Variants in PBX3 observed in about 807,000 individuals in gnomAD.
The protein encoded by PBX3 is PBX homeobox 3, also known as pre-B-cell leukemia transcription factor 3.
Under a neutral mutation model 48.5 loss-of-function variants are expected in PBX3, and 14 were observed. That is an observed-to-expected ratio of 0.29 (90% CI 0.19 to 0.45). PBX3 has a LOEUF of 0.45. Ranked by LOEUF, PBX3 falls within the 20% of genes least tolerant of loss-of-function variation. The pLI is 1.00. For missense variants in PBX3, 386 were observed against 546.7 expected, an observed-to-expected ratio of 0.71 and a Z score of 2.93; for synonymous variants, 210 against 200.3, an observed-to-expected ratio of 1.05 and a Z score of -0.41.
chr9:125,815,893 C>T (rs1838445668), intron 2 of PBX3, among the ~76,000 whole-genome samples: 1 of 152,160 alleles, frequency 6.6e-6, no homozygotes, highest in East Asian at 1.9e-4. Context: ...CACTGTGATG[C>T]ACTTGTCATT....
intron 2 of PBX3, among the ~76,000 whole-genome samples, chr9:125,779,976 G>C (rs1406651190): frequency 7.7e-6 from 1 of 129,550 alleles, no homozygotes; most frequent in Non-Finnish European, 1.6e-5. Context: ...GCGGCTGGCC[G>C]GGCAGAGGGG....
At chr9:125,815,536 C>T (rs1008421305) in intron 2 of PBX3, among the ~76,000 whole-genome samples, 1 of 152,150 alleles carries the variant, frequency 6.6e-6, no homozygotes, top group Non-Finnish European at 1.5e-5. Context: ...AGCTTTGATT[C>T]CATCAATATC....
rs766906523 is a variant in PBX3 at position 125,925,435 on chromosome 9, T to C, written c.517-4220T>C. On this transcript the variant is annotated intron_variant, in intron 3 of 8. Coordinates refer to ENST00000373489, the MANE Select transcript of PBX3 (RefSeq NM_006195.6). ...ATGAAATACCTCATTAACAGTTTTT[T>C]TGTCTTTCTTTGTTTCTTTCTTTCT... 2.6e-4 allele frequency among the ~76,000 whole-genome samples: 40 copies of C among 152,006 alleles called. 1 individual carries two copies. The highest frequency in any genetic ancestry group is 4.6e-4 in the Non-Finnish European group (31 of 67,990).
At chr9:125,863,612 T>C (rs1839914754) in intron 2 of PBX3, among the ~76,000 whole-genome samples, 1 of 152,160 alleles carries the variant, frequency 6.6e-6, no homozygotes, top group African/African-American at 2.4e-5. Flanking sequence ...TACCCTAGTG[T>C]AATTGACAGA....
intron 2 of PBX3, among the ~76,000 whole-genome samples, chr9:125,763,082 A>C (rs192973020): frequency 2.6e-5 from 4 of 152,344 alleles, no homozygotes; most frequent in African/African-American, 7.2e-5. Flanking sequence ...GTGTATATGC[A>C]GTCTCTCAGC....
intron 2 of PBX3, among the ~76,000 whole-genome samples, chr9:125,787,987 A>C (rs1837502221): frequency 6.6e-6 from 1 of 152,200 alleles, no homozygotes; most frequent in Non-Finnish European, 1.5e-5. Context: ...TTGTTGGTTG[A>C]ATATCTTATA....
At chr9:125,868,749 T>C (rs923367226) in intron 2 of PBX3, among the ~76,000 whole-genome samples, 2 of 152,216 alleles carry the variant, frequency 1.3e-5, no homozygotes, top group Non-Finnish European at 2.9e-5. Context: ...ATTCAGTTGA[T>C]TTGGTAATGG....
chr9:125,748,815 T>TA, intron 2 of PBX3, 192 bp downstream of exon 2: 1 of 485,790 alleles, frequency 2.1e-6, no homozygotes, highest in Non-Finnish European at 3.8e-6. Flanking sequence ...GCTCCTGGTG[T>TA]AAAATGAAGT....
intron 2 of PBX3, among the ~76,000 whole-genome samples, chr9:125,855,518 T>G (rs1170915292): frequency 6.6e-6 from 1 of 152,152 alleles, no homozygotes; most frequent in Non-Finnish European, 1.5e-5. Flanking sequence ...GTAAAGATTT[T>G]TTTCTTTTTA....
intron 2 of PBX3, among the ~76,000 whole-genome samples, chr9:125,780,999 G>GGCGGCGGGGCAGAGGCGCTCCCCAC (rs1837288052): frequency 4.6e-5 from 4 of 86,756 alleles, no homozygotes; most frequent in African/African-American, 5.1e-5. Context: ...TCCTAGATGG[G>GGCGGCGGGGCAGAGGCGCTCCCCAC]ATGGCGGCCG....
At chr9:125,846,239 G>A (rs10986977) in intron 2 of PBX3, among the ~76,000 whole-genome samples, 3,023 of 152,060 alleles carry the variant, frequency 0.02, 169 homozygotes, top group East Asian at 0.17. Flanking sequence ...GTAATGTGTA[G>A]GATTGTGGGA....
At chr9:125,840,036 G>A (rs1417026879) in intron 2 of PBX3, among the ~76,000 whole-genome samples, 3 of 152,050 alleles carry the variant, frequency 2.0e-5, no homozygotes, top group Non-Finnish European at 2.9e-5. Flanking sequence ...ATGCCTCTTT[G>A]TAAATATGGG....
Position 125,876,997 on chromosome 9 carries a change from C to T in PBX3, c.275-38689C>T, listed in dbSNP as rs1165820668. ...CCATATTGGCCAGGCTGGTCTCGAA[C>T]TCCTGACCTTGTGATCTGCCTGCCT... On this transcript the variant is annotated intron_variant, in intron 2 of 8. Transcript: ENST00000373489. 3.4e-4 allele frequency among the ~76,000 whole-genome samples: 51 copies of T among 152,136 alleles called. 1 individual carries two copies. The highest frequency in any genetic ancestry group is 8.8e-5 in the Non-Finnish European group (6 of 67,978).
chr9:125,782,482 A>G (rs2030288292), intron 2 of PBX3, among the ~76,000 whole-genome samples: 2 of 152,278 alleles, frequency 1.3e-5, no homozygotes, highest in South Asian at 4.1e-4. Context: ...TTTCTCTTTT[A>G]TATTATTGTT....
At chr9:125,826,270 C>T (rs1476415966) in intron 2 of PBX3, among the ~76,000 whole-genome samples, 1 of 152,126 alleles carries the variant, frequency 6.6e-6, no homozygotes, top group Non-Finnish European at 1.5e-5. Context: ...TGCTTCCTAA[C>T]TTTAAATTCA....
chr9:125,747,817 C>A lies in PBX3; in HGVS notation c.200+164C>A, dbSNP rs572395689. ...CGGCCTCGGGGGGACTTGCCCGCGC[C>A]CCCCGAAGCGGGCGGGAGTCGGCAA... On this transcript the variant is annotated intron_variant, in intron 1 of 8. Transcript: ENST00000373489. Among the ~76,000 whole-genome samples, 69 of 151,736 alleles carry A rather than the reference C, an allele frequency of 4.5e-4. 1 individual carries two copies. In the South Asian group the frequency reaches 1.0e-2, roughly 22 times the overall value.
intron 2 of PBX3, among the ~76,000 whole-genome samples, 199 bp from the exon 3 acceptor site, chr9:125,915,487 G>A (rs1240993668): frequency 6.6e-6 from 1 of 151,986 alleles, no homozygotes; most frequent in African/African-American, 2.4e-5. Flanking sequence ...AAATTCTAGG[G>A]TGCATGTAAA....
At position 125,899,298 on chromosome 9, in the gene PBX3, A is replaced by AAT. The variant is rs1378395223; in HGVS notation, c.275-16384_275-16383dup. 4.5e-4 allele frequency among the ~76,000 whole-genome samples: 27 copies of AAT among 60,076 alleles called. 1 individual carries two copies. The highest frequency in any genetic ancestry group is 2.4e-3 in the South Asian group (4 of 1,660). 39.4% of individuals were successfully genotyped at this position (60,076 alleles called of 152,430 possible). A position where few individuals can be genotyped will look rare whatever the true frequency, so the allele number is the denominator to read the frequency against. ...ACATATGTATATATATTTATATATA[A>AAT]ATATACATATATGTATATATTTTTA... On this transcript the variant is annotated intron_variant, in intron 2 of 8. Coordinates refer to ENST00000373489, the MANE Select transcript of PBX3 (RefSeq NM_006195.6).
intron 2 of PBX3, among the ~76,000 whole-genome samples, chr9:125,810,727 GAC>G (rs1210656102): frequency 6.6e-5 from 10 of 152,196 alleles, no homozygotes; most frequent in African/African-American, 2.2e-4. Flanking sequence ...TCAGGCATAT[GAC>G]ACAGAGCCAG....
Sources: gnomAD v4.1 joint callset for allele counts (sites outside exome capture counted in the v4.1 genomes callset) on GRCh38, gnomAD v4.1.1 for gene constraint, MANE v1.5 for transcripts, NCBI Gene and HGNC (gene_info 2026-07-23, HGNC 2026-07-21) for gene names.